The following SDK1 variants were observed in gnomAD, a reference collection of about 807,000 sequenced individuals.
SDK1 encodes the protein sidekick cell adhesion molecule 1, also known as protein sidekick-1.
SDK1 carries 157 observed loss-of-function variants against 245.5 expected under a neutral mutation model. The observed-to-expected ratio is 0.64, with a 90% CI of 0.56 to 0.73. SDK1 has a LOEUF of 0.73. Ranked by LOEUF, SDK1 falls within the 30% of genes least tolerant of loss-of-function variation. SDK1 has a pLI of 0.00. For synonymous variants in SDK1, 1,647 were observed against 1,278.5 expected (o/e 1.29, Z -6.15); for missense variants, 3,583 against 3,002.3 (o/e 1.19, Z -4.52).
intron 1 of SDK1, among the ~76,000 whole-genome samples, chr7:3,498,686 A>G (rs764371877): frequency 7.3e-5 from 11 of 150,036 alleles, no homozygotes; most frequent in Non-Finnish European, 1.5e-4. Context: ...AGCTCTCTGC[A>G]TATTTGTTAC....
intron 1 of SDK1, among the ~76,000 whole-genome samples, chr7:3,602,423 G>A (rs1456031157): frequency 6.7e-6 from 1 of 148,862 alleles, no homozygotes; most frequent in Non-Finnish European, 1.5e-5. Context: ...TTTATCTGAT[G>A]GCCAGTGATG....
In SDK1 at chr7:4,028,614, T is replaced by G. The variant is rs145140617; in HGVS notation, c.2602+11262T>G. Among the ~76,000 whole-genome samples the G allele has an allele frequency of 1.6e-4, 25 of 152,342 alleles. No individual in the cohort carries two copies. In the South Asian group the frequency reaches 3.9e-3, roughly 24 times the overall value. On this transcript the variant is annotated intron_variant, in intron 17 of 44. Coordinates refer to ENST00000404826, the MANE Select transcript of SDK1 (RefSeq NM_152744.4). ...AGGTGAACCAGTGAAAACACACGTT[T>G]GGAGGAGGCTAGAATTTCATAACAC... is the stretch of plus-strand genomic sequence containing the variant.
intron 4 of SDK1, among the ~76,000 whole-genome samples, chr7:3,750,513 C>CGAGAGAGATTGAGAGGGATTGCA (rs1296329463): frequency 6.6e-6 from 1 of 152,008 alleles, no homozygotes; most frequent in Non-Finnish European, 1.5e-5. Context: ...TTGCAGTGGG[C>CGAGAGAGATTGAGAGGGATTGCA]GAGAGAGATT....
intron 1 of SDK1, among the ~76,000 whole-genome samples, chr7:3,508,326 CTT>C (rs746963363): frequency 1.9e-4 from 26 of 136,158 alleles, no homozygotes; most frequent in South Asian, 2.3e-4. Flanking sequence ...TCTTCTTCTT[CTT>C]TTTTTTTTTT....
intron 1 of SDK1, among the ~76,000 whole-genome samples, chr7:3,443,009 A>T (rs561799990): frequency 6.6e-6 from 1 of 152,186 alleles, no homozygotes; most frequent in South Asian, 2.1e-4. Context: ...ATGTTTACTT[A>T]TAAAGCAACA....
intron 4 of SDK1, among the ~76,000 whole-genome samples, chr7:3,676,446 T>C (rs1327956017): frequency 6.6e-6 from 1 of 150,506 alleles, no homozygotes; most frequent in Non-Finnish European, 1.5e-5. Context: ...CTGCCTCAGC[T>C]TCCCAAGTAG....
intron 25 of SDK1, among the ~76,000 whole-genome samples, chr7:4,121,008 C>G (rs1053056802): frequency 6.6e-5 from 10 of 150,840 alleles, no homozygotes; most frequent in Non-Finnish European, 1.0e-4. Context: ...ACATTTCCAG[C>G]TGTTGAAAAC....
At chr7:3,521,178 A>G (rs1023125936) in intron 1 of SDK1, among the ~76,000 whole-genome samples, 12 of 152,086 alleles carry the variant, frequency 7.9e-5, no homozygotes, top group South Asian at 2.1e-4. Context: ...CGTGTTTTCC[A>G]TGTGACCCTG....
rs893248692 is a variant in SDK1, at chr7:3,550,880, A to G, written c.299-68200A>G. Among the ~76,000 whole-genome samples the G allele has an allele frequency of 7.2e-5, 11 of 152,198 alleles. No homozygotes were observed. The South Asian group carries it at 2.3e-3, about 32-fold the overall frequency. The stretch of plus-strand genomic sequence containing the variant: ...TTAGGGTTTTGTAATTTTTAGCAAT[A>G]CTGCTGTGGAGCCTAGTTGAAATTA... On this transcript the variant is annotated intron_variant, in intron 1 of 44. Coordinates refer to ENST00000404826, the MANE Select transcript of SDK1 (RefSeq NM_152744.4).
At chr7:4,030,940 A>G (rs1485901074) in intron 17 of SDK1, among the ~76,000 whole-genome samples, 5 of 152,208 alleles carry the variant, frequency 3.3e-5, no homozygotes, top group Non-Finnish European at 7.3e-5. Context: ...AGGCAGAGAC[A>G]TCGAACTTAG....
intron 1 of SDK1, among the ~76,000 whole-genome samples, chr7:3,380,626 G>A (rs1018671897): frequency 6.6e-6 from 1 of 152,168 alleles, no homozygotes; most frequent in African/African-American, 2.4e-5. Context: ...CAAGCTTTAA[G>A]CTTTTAACGT....
In SDK1 at chr7:4,205,960, C is replaced by T. The variant is rs548946940; in HGVS notation, c.5180C>T (p.Pro1727Leu). The T allele has an allele frequency of 6.5e-5, 101 of 1,560,412 alleles. No homozygotes were observed. Among genetic ancestry groups the T allele is most frequent in the Admixed American group, 1.9e-4 (10 of 52,804 alleles). ...QLEVTWDPPP[P>L]ESQNGNIQGY... ...GAGGTCACGTGGGACCCACCACCCCCGGAGAGCCAGAATGGGAACATCCAA... is the reference window on the plus strand; with the variant it reads ...GAGGTCACGTGGGACCCACCACCCCTGGAGAGCCAGAATGGGAACATCCAA... The change falls in exon 36 of 45, where the codon CCG becomes CTG. Residue 1727 changes from proline to leucine, a missense_variant. Physicochemically the swap from Pro to Leu is moderately conservative, Grantham distance 98. Coordinates refer to ENST00000404826, the MANE Select transcript of SDK1 (RefSeq NM_152744.4).
intron 1 of SDK1, among the ~76,000 whole-genome samples, chr7:3,555,872 TCTCA>T (rs775399645): frequency 6.6e-6 from 1 of 152,162 alleles, no homozygotes; most frequent in African/African-American, 2.4e-5. Context: ...CAAGGTATCA[TCTCA>T]CTCCAGTTAA....
At chr7:3,348,789 A>G (rs1208757651) in intron 1 of SDK1, among the ~76,000 whole-genome samples, 1 of 152,244 alleles carries the variant, frequency 6.6e-6, no homozygotes, top group Non-Finnish European at 1.5e-5. Context: ...AATAAAATAA[A>G]AAGTGCCAAG....
At chr7:3,566,516 C>T (rs537638069) in intron 1 of SDK1, among the ~76,000 whole-genome samples, 20 of 152,146 alleles carry the variant, frequency 1.3e-4, no homozygotes, top group African/African-American at 4.1e-4. Flanking sequence ...TGAGCCACCA[C>T]GCCCGGCCGA....
chr7:3,535,758 G>T lies in SDK1; in HGVS notation c.299-83322G>T, dbSNP rs142408397. On this transcript the variant is annotated intron_variant, in intron 1 of 44. Transcript: ENST00000404826. ...GGTTGAAAATACATAAATACATGTA[G>T]TTAAAACACCACCCCCACTCAAAAT... 4.0e-3 allele frequency among the ~76,000 whole-genome samples: 607 copies of T among 152,184 alleles called. 16 individuals carry two copies. Among genetic ancestry groups the T allele is most frequent in the Admixed American group, 0.037 (566 of 15,286 alleles).
At chr7:4,251,920 A>G (rs909544542) in intron 44 of SDK1, among the ~76,000 whole-genome samples, 9 of 152,100 alleles carry the variant, frequency 5.9e-5, no homozygotes, top group Admixed American at 5.2e-4. Context: ...GTTTTGTCAG[A>G]TGGTTTCTCT....
At chr7:4,113,077 A>G (rs1783453064) in intron 23 of SDK1, among the ~76,000 whole-genome samples, 2 of 151,968 alleles carry the variant, frequency 1.3e-5, no homozygotes, top group Admixed American at 1.3e-4. Flanking sequence ...CCTTAGTGCT[A>G]GGATTACAGG....
intron 4 of SDK1, among the ~76,000 whole-genome samples, chr7:3,664,773 A>G (rs2002670): frequency 0.36 from 54,541 of 151,356 alleles, 10,813 homozygotes; most frequent in African/African-American, 0.52. Context: ...AACTAGCAAT[A>G]GTCTGATAGA....
Sources: gnomAD v4.1 joint callset for allele counts (sites outside exome capture counted in the v4.1 genomes callset) on GRCh38, gnomAD v4.1.1 for gene constraint, MANE v1.5 for transcripts, NCBI Gene and HGNC (gene_info 2026-07-23, HGNC 2026-07-21) for gene names.